RAB11FIP4: variants seen among roughly 807,000 people sequenced by gnomAD.
The protein encoded by RAB11FIP4 is rab11 family-interacting protein 4.
Under a neutral mutation model 74.3 loss-of-function variants are expected in RAB11FIP4, and 23 were observed. The ratio of observed to expected loss-of-function variants is 0.31; its 90% CI spans 0.22 to 0.44. The LOEUF is 0.44. Among genes scored for constraint, RAB11FIP4 ranks in the 20% least tolerant of loss-of-function variants. The probability of loss-of-function intolerance (pLI) is 1.00; values close to 1 mark genes in which losing one functional copy is unlikely to be tolerated. For missense variants in RAB11FIP4, 630 were observed against 863.9 expected (o/e 0.73, Z 3.39); for synonymous variants, 360 against 359.9 (o/e 1.00, Z 0.00).
At chr17:31,392,271 T>C in intron 1 of RAB11FIP4, 1 of 310,584 alleles carries the variant, frequency 3.2e-6, no homozygotes, top group Non-Finnish European at 5.9e-6. Context: ...CCTTCCTTCC[T>C]CGGCCATGCA....
intron 1 of RAB11FIP4, among the ~76,000 whole-genome samples, chr17:31,420,910 C>T (rs191696776): frequency 6.6e-6 from 1 of 152,030 alleles, no homozygotes; most frequent in African/African-American, 2.4e-5. Flanking sequence ...ATGAAGAAAC[C>T]CCATCTCTAC....
chr17:31,450,286 C>T (rs1459906096), intron 3 of RAB11FIP4, among the ~76,000 whole-genome samples: 1 of 151,368 alleles, frequency 6.6e-6, no homozygotes, highest in Non-Finnish European at 1.5e-5. Flanking sequence ...TCTCAGGCTG[C>T]TTTTCTCCCC....
rs537532772 is a variant in RAB11FIP4 at position 31,411,936 on chromosome 17, C to A, written c.160-19877C>A. Among the ~76,000 whole-genome samples the A allele has an allele frequency of 3.3e-5, 5 of 152,382 alleles. No homozygotes were observed. The South Asian group carries it at 1.0e-3, about 32-fold the overall frequency. On this transcript the variant is annotated intron_variant, in intron 1 of 14. Transcript: ENST00000621161. ...ACAGCCCCTCTGGCCATCGTCCTTG[C>A]CTCAGTCGGGGCTCTGGGAGGGCCG...
At chr17:31,403,798 G>T (rs1450019804) in intron 1 of RAB11FIP4, among the ~76,000 whole-genome samples, 3 of 152,166 alleles carry the variant, frequency 2.0e-5, no homozygotes, top group Non-Finnish European at 4.4e-5. Context: ...TTCTTAGAAG[G>T]TCAGAGGAGG....
intron 1 of RAB11FIP4, 81 bp from the exon 2 acceptor site, chr17:31,431,720 GTCCCTCCCTCCC>G: frequency 1.3e-6 from 1 of 780,288 alleles, no homozygotes; most frequent in Non-Finnish European, 2.3e-6. Context: ...GGACACTGGT[GTCCCTCCCTCCC>G]TCCCAGCCTC....
At chr17:31,435,259 G>A (rs1056486523) in intron 3 of RAB11FIP4, among the ~76,000 whole-genome samples, 1 of 152,172 alleles carries the variant, frequency 6.6e-6, no homozygotes, top group African/African-American at 2.4e-5. Flanking sequence ...GGGTAGGTGG[G>A]AAGGTGAGAA....
intron 3 of RAB11FIP4, chr17:31,465,719 C>T (rs367662094): frequency 6.6e-6 from 1 of 151,944 alleles, no homozygotes; most frequent in African/African-American, 2.4e-5. Context: ...GAGGGGTGAA[C>T]AAGCCCAGGT....
intron 1 of RAB11FIP4, among the ~76,000 whole-genome samples, chr17:31,403,987 C>G (rs1011995180): frequency 6.6e-6 from 1 of 152,206 alleles, no homozygotes; most frequent in Non-Finnish European, 1.5e-5. Context: ...GCACTGCATC[C>G]CAGCACTGGG....
At chr17:31,495,199 G>A (rs139677131) in intron 3 of RAB11FIP4, among the ~76,000 whole-genome samples, 74 of 152,238 alleles carry the variant, frequency 4.9e-4, no homozygotes, top group African/African-American at 1.8e-3. Flanking sequence ...CAGACAAAAA[G>A]GTGCAGGCTG....
Position 31,450,844 on chromosome 17 carries a change from T to C in RAB11FIP4, c.336+16722T>C, listed in dbSNP as rs1393858494. Among the ~76,000 whole-genome samples, 4 of 148,888 alleles carry C rather than the reference T, an allele frequency of 2.7e-5. No individual in the cohort carries two copies. In the East Asian group the frequency reaches 7.7e-4, roughly 29 times the overall value. On this transcript the variant is annotated intron_variant, in intron 3 of 14. Transcript: ENST00000621161. ...CCACCATGTTCCAGGCTACACCCTTTGATCTGATCCAGCTCCGTCCCCTCA... is the reference window on the plus strand; with the variant it reads ...CCACCATGTTCCAGGCTACACCCTTCGATCTGATCCAGCTCCGTCCCCTCA...
rs138584432 is a variant in RAB11FIP4, at chr17:31,527,783, G to A, written c.1275-59G>A. The A allele has an allele frequency of 4.8e-4, 622 of 1,303,464 alleles. 1 individual carries two copies. Among genetic ancestry groups the A allele is most frequent in the Middle Eastern group, 7.3e-4 (4 of 5,480 alleles). 80.7% of individuals were successfully genotyped at this position (1,303,464 alleles called of 1,614,324 possible). On this transcript the variant is annotated intron_variant, in intron 10 of 14. Coordinates refer to ENST00000621161, the MANE Select transcript of RAB11FIP4 (RefSeq NM_032932.6). Reference sequence around the variant, plus strand: ...GCAGAGAATCACTGCAGACTGGCAGGCGCTTATCAGATAGTCTACATTCCA... The same window carrying A: ...GCAGAGAATCACTGCAGACTGGCAGACGCTTATCAGATAGTCTACATTCCA...
chr17:31,517,163 G>GA (rs2142806062), intron 3 of RAB11FIP4, among the ~76,000 whole-genome samples: 1 of 141,790 alleles, frequency 7.1e-6, no homozygotes, highest in Non-Finnish European at 1.5e-5. Flanking sequence ...CTGCCAGGCA[G>GA]AAAAGGTTGG....
At chr17:31,470,020 C>T (rs2071722675) in intron 3 of RAB11FIP4, among the ~76,000 whole-genome samples, 2 of 152,226 alleles carry the variant, frequency 1.3e-5, no homozygotes, top group South Asian at 4.1e-4. Context: ...ATGTGCCTGA[C>T]ACAGAGCAGG....
intron 3 of RAB11FIP4, among the ~76,000 whole-genome samples, chr17:31,508,495 G>A (rs755161957): frequency 2.6e-5 from 4 of 152,218 alleles, no homozygotes; most frequent in Non-Finnish European, 5.9e-5. Context: ...GGACACAGGG[G>A]CCAAGGGCTG....
intron 3 of RAB11FIP4, among the ~76,000 whole-genome samples, chr17:31,517,025 A>G (rs2072564819): frequency 6.6e-6 from 1 of 151,988 alleles, no homozygotes; most frequent in Non-Finnish European, 1.5e-5. Flanking sequence ...GAAAGCAATC[A>G]GAAAGCAACC....
intron 3 of RAB11FIP4, among the ~76,000 whole-genome samples, chr17:31,441,529 T>C (rs949265379): frequency 6.6e-6 from 1 of 151,424 alleles, no homozygotes; most frequent in South Asian, 2.1e-4. Flanking sequence ...TTTATTTATT[T>C]ATTTATTTAT....
intron 3 of RAB11FIP4, among the ~76,000 whole-genome samples, chr17:31,487,607 C>T (rs547758208): frequency 6.6e-6 from 1 of 152,262 alleles, no homozygotes; most frequent in African/African-American, 2.4e-5. Context: ...CGCCCCCGGA[C>T]TCATTAGGGG....
At chr17:31,443,391 C>G (rs1338796022) in intron 3 of RAB11FIP4, among the ~76,000 whole-genome samples, 1 of 152,152 alleles carries the variant, frequency 6.6e-6, no homozygotes, top group African/African-American at 2.4e-5. Context: ...ATGGCTTCAG[C>G]CTTTGGTGTA....
At chr17:31,448,462 C>T (rs1267423122) in intron 3 of RAB11FIP4, 2 of 143,264 alleles carry the variant, frequency 1.4e-5, no homozygotes, top group African/African-American at 5.3e-5. Flanking sequence ...AAACTCCTGG[C>T]CTCAAGCAAG....
Sources: allele counts gnomAD v4.1 joint callset (sites outside exome capture counted in the v4.1 genomes callset), GRCh38; gene constraint gnomAD v4.1.1; transcripts MANE v1.5; gene names NCBI Gene and HGNC (gene_info 2026-07-23, HGNC 2026-07-21).